IMMP1L: variants seen among roughly 807,000 people sequenced by gnomAD.
IMMP1L encodes mitochondrial inner membrane protease subunit 1.
In IMMP1L, 24 loss-of-function variants were observed where a neutral mutation model predicts 21.8. The ratio of observed to expected loss-of-function variants is 1.10; its 90% CI spans 0.80 to 1.55. The LOEUF is 1.55. Among genes scored for constraint, IMMP1L ranks in the 40% most tolerant of loss-of-function variants. The pLI, the probability that IMMP1L is intolerant of heterozygous loss-of-function variation, is 0.00. For synonymous variants in IMMP1L, 46 were observed against 62.8 expected, an observed-to-expected ratio of 0.73 and a Z score of 1.26; for missense variants, 195 against 200.7, an observed-to-expected ratio of 0.97 and a Z score of 0.17.
intron 1 of IMMP1L, among the ~76,000 whole-genome samples, chr11:31,492,442 A>G (rs886316652): frequency 1.3e-5 from 2 of 152,164 alleles, no homozygotes; most frequent in African/African-American, 4.8e-5. Flanking sequence ...CTTTCTCCAT[A>G]TGAGTAATAA....
intron 1 of IMMP1L, among the ~76,000 whole-genome samples, chr11:31,503,073 A>G (rs1244413144): frequency 3.3e-5 from 5 of 152,204 alleles, no homozygotes; most frequent in Non-Finnish European, 5.9e-5. Context: ...TATAATGAAT[A>G]TAAGTACTCA....
intron 1 of IMMP1L, among the ~76,000 whole-genome samples, chr11:31,474,209 C>G (rs928459844): frequency 6.6e-6 from 1 of 152,102 alleles, no homozygotes; most frequent in Non-Finnish European, 1.5e-5. Flanking sequence ...CAGAATGATG[C>G]ATAAAAAGTA....
chr11:31,440,644 G>A (rs971657236), intron 4 of IMMP1L, among the ~76,000 whole-genome samples: 5 of 152,166 alleles, frequency 3.3e-5, no homozygotes, highest in African/African-American at 1.2e-4. Flanking sequence ...GCCCGCCTCG[G>A]CCTCCCCAAG....
chr11:31,463,544 T>C (rs1027311207), intron 1 of IMMP1L, among the ~76,000 whole-genome samples: 10 of 152,216 alleles, frequency 6.6e-5, no homozygotes, highest in African/African-American at 2.4e-4. Context: ...ATATGAATTA[T>C]ATAATTAGTA....
chr11:31,454,205 C>A (rs906742257), intron 4 of IMMP1L, among the ~76,000 whole-genome samples: 2 of 152,042 alleles, frequency 1.3e-5, no homozygotes, highest in Non-Finnish European at 2.9e-5. Flanking sequence ...AACAAAATGG[C>A]AATGTCATAT....
intron 1 of IMMP1L, among the ~76,000 whole-genome samples, chr11:31,465,358 G>C (rs956213901): frequency 1.1e-4 from 17 of 152,026 alleles, no homozygotes; most frequent in South Asian, 6.2e-4. Flanking sequence ...AATTAATATT[G>C]TTCAAATGAC....
chr11:31,465,206 A>C (rs1344611795), intron 1 of IMMP1L, among the ~76,000 whole-genome samples: 1 of 152,084 alleles, frequency 6.6e-6, no homozygotes, highest in Non-Finnish European at 1.5e-5. Flanking sequence ...AAATGGCTAT[A>C]AAACATTAAA....
At chr11:31,482,883 A>T (rs1194591762) in intron 1 of IMMP1L, among the ~76,000 whole-genome samples, 1 of 151,918 alleles carries the variant, frequency 6.6e-6, no homozygotes, top group East Asian at 1.9e-4. Flanking sequence ...TAACTCAAGA[A>T]ATACATATTA....
chr11:31,456,696 C>T (rs1953950203), intron 3 of IMMP1L, among the ~76,000 whole-genome samples: 1 of 151,208 alleles, frequency 6.6e-6, no homozygotes, highest in Admixed American at 6.6e-5. Flanking sequence ...CTCCTGTGTC[C>T]AAATTCTTAG....
At chr11:31,470,462 A>G (rs1457843510) in intron 1 of IMMP1L, among the ~76,000 whole-genome samples, 3 of 151,976 alleles carry the variant, frequency 2.0e-5, no homozygotes, top group Non-Finnish European at 4.4e-5. Context: ...GGCAAATCCA[A>G]GAAGGAAGGA....
At chr11:31,446,031 C>T (rs541614789) in intron 4 of IMMP1L, among the ~76,000 whole-genome samples, 1 of 152,144 alleles carries the variant, frequency 6.6e-6, no homozygotes, top group African/African-American at 2.4e-5. Flanking sequence ...ATATAATCTA[C>T]CTTAATCTTA....
chr11:31,494,351 C>T (rs1415645042), intron 1 of IMMP1L, among the ~76,000 whole-genome samples: 1 of 152,244 alleles, frequency 6.6e-6, no homozygotes, highest in African/African-American at 2.4e-5. Context: ...CCAAGCCGTA[C>T]TTTTGACCCT....
intron 1 of IMMP1L, among the ~76,000 whole-genome samples, chr11:31,505,371 C>T (rs777586392): frequency 4.6e-5 from 7 of 152,166 alleles, no homozygotes; most frequent in Non-Finnish European, 8.8e-5. Flanking sequence ...ACACCAGAGG[C>T]ATTAACAGAA....
Position 31,509,537 on chromosome 11 carries a change from C to T in IMMP1L, c.-48G>A, listed in dbSNP as rs1234513296. The stretch of plus-strand genomic sequence containing the variant: ...TACCTACCTCGGGCCCCAAAGAACC[C>T]TGGAGACCCTCAACCAGGACACAGG... On this transcript the variant is annotated 5_prime_UTR_variant, in exon 1 of 6. Coordinates refer to ENST00000532287, the MANE Select transcript of IMMP1L (RefSeq NM_001304274.2). 1.2e-5 allele frequency: 7 copies of T among 560,170 alleles called. No individual in the cohort carries two copies. The highest frequency in any genetic ancestry group is 3.0e-5 in the Admixed American group (1 of 32,956). 34.7% of individuals were successfully genotyped at this position (560,170 alleles called of 1,614,324 possible). A position where few individuals can be genotyped will look rare whatever the true frequency, so the allele number is the denominator to read the frequency against.
At chr11:31,460,793 G>T in intron 2 of IMMP1L, 79 bp from the exon 3 acceptor site, 6 of 1,045,250 alleles carry the variant, frequency 5.7e-6, no homozygotes, top group Non-Finnish European at 8.6e-6. Flanking sequence ...AAGCTTAAAA[G>T]AAAGAAAATC....
intron 1 of IMMP1L, among the ~76,000 whole-genome samples, chr11:31,507,903 T>G (rs1955827758): frequency 6.6e-6 from 1 of 152,200 alleles, no homozygotes; most frequent in Admixed American, 6.5e-5. Context: ...GATTCCGGAA[T>G]GTACATACAC....
chr11:31,447,883 T>G (rs1953587603), intron 4 of IMMP1L, among the ~76,000 whole-genome samples: 1 of 152,214 alleles, frequency 6.6e-6, no homozygotes, highest in Non-Finnish European at 1.5e-5. Flanking sequence ...AAGATTAAGT[T>G]GTTCACAAAA....
intron 4 of IMMP1L, among the ~76,000 whole-genome samples, chr11:31,447,561 G>A (rs1341964503): frequency 1.3e-5 from 2 of 152,174 alleles, no homozygotes; most frequent in African/African-American, 2.4e-5. Flanking sequence ...TAAGTACTTT[G>A]TTAAATACTG....
intron 1 of IMMP1L, among the ~76,000 whole-genome samples, chr11:31,506,846 A>G (rs1955792894): frequency 1.3e-5 from 2 of 151,588 alleles, no homozygotes; most frequent in African/African-American, 4.8e-5. Context: ...TGTAGTCCCA[A>G]CTACTCAGGA....
Sources: gnomAD v4.1 joint callset for allele counts (sites outside exome capture counted in the v4.1 genomes callset) on GRCh38, gnomAD v4.1.1 for gene constraint, MANE v1.5 for transcripts, NCBI Gene and HGNC (gene_info 2026-07-23, HGNC 2026-07-21) for gene names.